OPRM1: variants seen among roughly 807,000 people sequenced by gnomAD.
The protein encoded by OPRM1 is mu-type opioid receptor.
OPRM1 carries 27 observed loss-of-function variants against 31.8 expected under a neutral mutation model. That is an observed-to-expected ratio of 0.85 (90% confidence interval 0.63 to 1.17). The LOEUF (loss-of-function observed/expected upper bound fraction) is 1.17, where lower values mean the gene tolerates loss of function less well. OPRM1 is among the 50% of genes most tolerant of loss of function. The pLI is 0.00. For synonymous variants in OPRM1, 196 were observed against 189.9 expected, an observed-to-expected ratio of 1.03 and a Z score of -0.26; for missense variants, 536 against 511.1, an observed-to-expected ratio of 1.05 and a Z score of -0.47.
chr6:154,071,910 T>C (rs895147503), intron 1 of OPRM1, among the ~76,000 whole-genome samples: 15 of 152,206 alleles, frequency 9.9e-5, no homozygotes, highest in African/African-American at 3.6e-4. Context: ...GTTTTTGTCT[T>C]GTTGCATCAC....
At chr6:154,098,647 T>C (rs191878590) in intron 3 of OPRM1, among the ~76,000 whole-genome samples, 5 of 152,226 alleles carry the variant, frequency 3.3e-5, no homozygotes, top group African/African-American at 9.6e-5. Context: ...TATTTGAATG[T>C]ATATGACCTA....
intron 1 of OPRM1, among the ~76,000 whole-genome samples, chr6:154,088,196 G>T (rs1562450157): frequency 6.6e-6 from 1 of 152,100 alleles, no homozygotes; most frequent in African/African-American, 2.4e-5. Flanking sequence ...GACACTGAGT[G>T]AAAGAAGCAG....
chr6:154,148,445 T>C (rs1798413257), intron 3 of OPRM1, among the ~76,000 whole-genome samples: 1 of 152,228 alleles, frequency 6.6e-6, no homozygotes, highest in Non-Finnish European at 1.5e-5. Context: ...GGTGAATGTG[T>C]GCATGTCTGG....
chr6:154,025,639 A>T (rs1289353791), intron 1 of OPRM1, among the ~76,000 whole-genome samples: 2 of 152,006 alleles, frequency 1.3e-5, no homozygotes, highest in South Asian at 4.1e-4. Flanking sequence ...CAGTGAAGGT[A>T]ATTTACTCTG....
At chr6:154,099,977 TATC>T (rs1470531632) in intron 3 of OPRM1, among the ~76,000 whole-genome samples, 4 of 140,456 alleles carry the variant, frequency 2.8e-5, no homozygotes, top group East Asian at 2.1e-4. Context: ...TTACGATATA[TATC>T]ATAACATATT....
At chr6:154,188,979 A>G (rs1801625090) in intron 3 of OPRM1, among the ~76,000 whole-genome samples, 1 of 152,238 alleles carries the variant, frequency 6.6e-6, no homozygotes, top group Non-Finnish European at 1.5e-5. Flanking sequence ...GATAATTTTA[A>G]TCACTTTAAA....
chr6:154,060,316 A>G (rs894781967), intron 1 of OPRM1, among the ~76,000 whole-genome samples: 1 of 152,160 alleles, frequency 6.6e-6, no homozygotes, highest in Non-Finnish European at 1.5e-5. Context: ...TGTCGGTGGT[A>G]CTCCAGCGAG....
Position 154,186,564 on chromosome 6 carries a change from C to CTT in OPRM1, c.1165-60120_1165-60119dup, listed in dbSNP as rs144402482. ...GCAGCTCCTTTCTTTCTTTTTTTCT[C>CTT]TTTTTTTTTTGAGACGGAGTCTCGC... is the stretch of plus-strand genomic sequence containing the variant. On this transcript the variant is annotated intron_variant, in intron 3 of 3. Coordinates refer to the OPRM1 transcript ENST00000337049. 1.5e-3 allele frequency among the ~76,000 whole-genome samples: 226 copies of CTT among 149,342 alleles called. 1 individual carries two copies. Among genetic ancestry groups the CTT allele is most frequent in the African/African-American group, 4.8e-3 (194 of 40,780 alleles).
chr6:154,057,698 A>G (rs1409698718), intron 1 of OPRM1, among the ~76,000 whole-genome samples: 1 of 152,222 alleles, frequency 6.6e-6, no homozygotes, highest in Non-Finnish European at 1.5e-5. Flanking sequence ...TACAAATAGT[A>G]AGGATATCGG....
chr6:154,133,001 GC>G (rs2128535049), downstream of OPRM1, among the ~76,000 whole-genome samples: 2 of 152,048 alleles, frequency 1.3e-5, no homozygotes, highest in South Asian at 4.2e-4. Context: ...GGCACCTGTA[GC>G]CCCAGCTACT....
chr6:154,096,699 T>A (rs1427089985), intron 3 of OPRM1, among the ~76,000 whole-genome samples: 1 of 152,142 alleles, frequency 6.6e-6, no homozygotes, highest in East Asian at 1.9e-4. Context: ...AATCATTATA[T>A]AAGATCAAAC....
chr6:154,234,403 C>A (rs1779954764), intron 3 of OPRM1, among the ~76,000 whole-genome samples: 3 of 152,156 alleles, frequency 2.0e-5, no homozygotes, highest in Admixed American at 2.0e-4. Context: ...TTCCGAGTAT[C>A]TCCTGGATCA....
rs556800402 is a variant in OPRM1, at chr6:154,140,338, T to A, written c.1164+48866T>A. 9.2e-4 allele frequency among the ~76,000 whole-genome samples: 140 copies of A among 151,962 alleles called. 1 individual carries two copies. The South Asian group carries it at 0.022, about 24-fold the overall frequency. On this transcript the variant is annotated intron_variant, in intron 3 of 3. Transcript: ENST00000337049. ...TAGCCGTTTATGTTATTTTATTTTT[T>A]TTTTTTTTTTGAGAAAGAGTCTCGC...
At chr6:154,221,289 A>G in intron 3 of OPRM1, 1 of 1,614,044 alleles carries the variant, frequency 6.2e-7, no homozygotes, top group Non-Finnish European at 8.5e-7. Context: ...CAGCTGCAAA[A>G]TAAAAGGTCT....
intron 3 of OPRM1, among the ~76,000 whole-genome samples, chr6:154,185,149 T>TA (rs1647964262): frequency 6.6e-6 from 1 of 152,178 alleles, no homozygotes; most frequent in Non-Finnish European, 1.5e-5. Context: ...CTGAGCCTCT[T>TA]ACCATGATAT....
intron 3 of OPRM1, among the ~76,000 whole-genome samples, chr6:154,229,735 G>A (rs1209776309): frequency 1.3e-5 from 2 of 152,174 alleles, no homozygotes; most frequent in Non-Finnish European, 2.9e-5. Context: ...TACCCAAGAG[G>A]AATGGATGCA....
At chr6:154,217,932 A>C (rs745528536) in intron 3 of OPRM1, among the ~76,000 whole-genome samples, 8 of 152,246 alleles carry the variant, frequency 5.3e-5, no homozygotes, top group African/African-American at 1.9e-4. Context: ...TGTTGACAAT[A>C]AAGAAAATAT....
At chr6:154,100,500 G>A (rs1377832653) in intron 3 of OPRM1, among the ~76,000 whole-genome samples, 1 of 151,654 alleles carries the variant, frequency 6.6e-6, no homozygotes, top group Non-Finnish European at 1.5e-5. Context: ...AGAAACACAT[G>A]CAAAGAAATA....
intron 3 of OPRM1, among the ~76,000 whole-genome samples, chr6:154,237,920 T>G (rs1187623671): frequency 6.6e-6 from 1 of 152,212 alleles, no homozygotes; most frequent in Non-Finnish European, 1.5e-5. Flanking sequence ...ATATATCAAT[T>G]TATTTTTAAG....
Sources: allele counts gnomAD v4.1 joint callset (sites outside exome capture counted in the v4.1 genomes callset), GRCh38; gene constraint gnomAD v4.1.1; transcripts MANE v1.5; gene names NCBI Gene and HGNC (gene_info 2026-07-23, HGNC 2026-07-21).